SUGCT: variants seen among roughly 807,000 people sequenced by gnomAD.
SUGCT encodes the protein succinyl-CoA:glutarate-CoA transferase, also known as succinyl-CoA:glutarate CoA-transferase.
Under a neutral mutation model 55.0 loss-of-function variants are expected in SUGCT, and 41 were observed. That is an observed-to-expected ratio of 0.74 (90% confidence interval 0.58 to 0.97). The LOEUF (loss-of-function observed/expected upper bound fraction) is 0.97, where lower values mean the gene tolerates loss of function less well. SUGCT is among the 50% of genes least tolerant of loss of function. The pLI is 0.00. For missense variants in SUGCT, 568 were observed against 547.8 expected (o/e 1.04, Z -0.37); for synonymous variants, 187 against 200.4 (o/e 0.93, Z 0.56).
rs576640461 is a variant in SUGCT, at chr7:40,169,053, C to T, written c.101-11894C>T. ...TCCTGATATTTGATAGGTGTTCCCT[C>T]GGAAGTTAGGAATTCCCTTTCTCTC... On this transcript the variant is annotated intron_variant, in intron 1 of 13. Transcript: ENST00000335693. Among the ~76,000 whole-genome samples the T allele has an allele frequency of 5.6e-4, 86 of 152,220 alleles. No individual in the cohort carries two copies. The South Asian group carries it at 0.01, about 18-fold the overall frequency.
In SUGCT at chr7:40,188,597, T is replaced by A; in HGVS notation, c.312+17T>A. On this transcript the variant is annotated intron_variant, in intron 4 of 13. Coordinates refer to ENST00000335693, the MANE Select transcript of SUGCT (RefSeq NM_001193313.2). ...AATAAAAAAGTAAGAATATCATCCC[T>A]TTTTTGCTTTTTGTGTGTAATTCTC... 6.4e-7 allele frequency: 1 copy of A among 1,556,772 alleles called. No homozygotes were observed. The highest frequency in any genetic ancestry group is 8.7e-7 in the Non-Finnish European group (1 of 1,145,654).
chr7:40,714,818 T>A (rs1785928383), intron 12 of SUGCT, among the ~76,000 whole-genome samples: 1 of 152,206 alleles, frequency 6.6e-6, no homozygotes, highest in Non-Finnish European at 1.5e-5. Flanking sequence ...TACATGGAAA[T>A]AATATGTGGA....
At chr7:40,788,373 G>C (rs1418402369) in intron 13 of SUGCT, among the ~76,000 whole-genome samples, 2 of 152,128 alleles carry the variant, frequency 1.3e-5, no homozygotes, top group African/African-American at 4.8e-5. Context: ...AGCTTGAATG[G>C]GAGAAGAAAA....
At chr7:40,226,831 G>C (rs1386808377) in intron 6 of SUGCT, among the ~76,000 whole-genome samples, 1 of 151,724 alleles carries the variant, frequency 6.6e-6, no homozygotes, top group South Asian at 2.1e-4. Context: ...TTGGCCCAGC[G>C]TGGTGGCTCA....
At chr7:40,471,754 A>G (rs983005488) in intron 11 of SUGCT, among the ~76,000 whole-genome samples, 1 of 152,124 alleles carries the variant, frequency 6.6e-6, no homozygotes, top group African/African-American at 2.4e-5. Context: ...ATGGTAGAAC[A>G]ATTCTAATGT....
the SUGCT span, among the ~76,000 whole-genome samples, chr7:41,011,463 T>C: frequency 6.6e-6 from 1 of 152,210 alleles, no homozygotes; most frequent in Non-Finnish European, 1.5e-5. Context: ...GAGCCCCCAC[T>C]ATTCAAAGTG....
the SUGCT span, among the ~76,000 whole-genome samples, chr7:41,025,828 T>A: frequency 6.6e-6 from 1 of 152,158 alleles, no homozygotes; most frequent in Non-Finnish European, 1.5e-5. Context: ...TGTATTAGAT[T>A]TTTAACCTGA....
intron 13 of SUGCT, among the ~76,000 whole-genome samples, chr7:40,756,568 A>T (rs1055645707): frequency 1.3e-5 from 2 of 152,132 alleles, no homozygotes; most frequent in African/African-American, 4.8e-5. Flanking sequence ...TTCTGAAATC[A>T]CATGTCCTCA....
At chr7:40,951,245 G>A in the SUGCT span, among the ~76,000 whole-genome samples, 2 of 152,086 alleles carry the variant, frequency 1.3e-5, no homozygotes, top group East Asian at 1.9e-4. Flanking sequence ...GTTTATTTGC[G>A]TAGAAGTGTT....
intron 9 of SUGCT, among the ~76,000 whole-genome samples, chr7:40,380,110 A>G (rs1027520459): frequency 6.6e-6 from 1 of 152,202 alleles, no homozygotes; most frequent in African/African-American, 2.4e-5. Flanking sequence ...CATAGGTCAA[A>G]TAATGACAAT....
the SUGCT span, among the ~76,000 whole-genome samples, chr7:40,888,486 A>G: frequency 6.6e-6 from 1 of 151,730 alleles, no homozygotes; most frequent in Non-Finnish European, 1.5e-5. Context: ...GGTAGAGATA[A>G]ACCCAAGATC....
At chr7:40,773,523 A>G (rs190873577) in intron 13 of SUGCT, among the ~76,000 whole-genome samples, 95 of 152,326 alleles carry the variant, frequency 6.2e-4, no homozygotes, top group Non-Finnish European at 1.2e-3. Flanking sequence ...TCTAGGCTCA[A>G]AAACAACATC....
chr7:40,535,187 G>C (rs1187258976), intron 12 of SUGCT, among the ~76,000 whole-genome samples: 3 of 151,590 alleles, frequency 2.0e-5, no homozygotes, highest in Admixed American at 6.6e-5. Context: ...AGATTCCATG[G>C]GTACATGTGC....
chr7:40,392,047 G>C (rs1359066880), intron 9 of SUGCT, among the ~76,000 whole-genome samples: 1 of 152,096 alleles, frequency 6.6e-6, no homozygotes, highest in African/African-American at 2.4e-5. Flanking sequence ...GAAAACCAAA[G>C]ACTGCATGTT....
the SUGCT span, among the ~76,000 whole-genome samples, chr7:41,031,419 T>G: frequency 6.6e-6 from 1 of 152,008 alleles, no homozygotes; most frequent in Admixed American, 6.5e-5. Flanking sequence ...CTTTGCCAAG[T>G]AAGAACAAAA....
At chr7:40,592,653 T>A (rs1290801361) in intron 12 of SUGCT, among the ~76,000 whole-genome samples, 4 of 152,088 alleles carry the variant, frequency 2.6e-5, no homozygotes, top group Non-Finnish European at 5.9e-5. Flanking sequence ...GTTTTTAGAT[T>A]CCGTATTTGG....
intron 2 of SUGCT, 76 bp downstream of exon 2, chr7:40,181,074 A>G: frequency 9.4e-7 from 1 of 1,060,630 alleles, no homozygotes; most frequent in Admixed American, 1.9e-5. Context: ...TTTGAATTAT[A>G]AGAAGAGACT....
At chr7:40,863,435 A>T (rs1042582084), downstream of SUGCT, among the ~76,000 whole-genome samples, 9 of 152,194 alleles carry the variant, frequency 5.9e-5, no homozygotes, top group African/African-American at 2.2e-4. Flanking sequence ...AAGGCTTTAT[A>T]GATATGAAAC....
chr7:40,214,856 G>A (rs1317961977), intron 6 of SUGCT, among the ~76,000 whole-genome samples: 3 of 151,894 alleles, frequency 2.0e-5, no homozygotes, highest in African/African-American at 7.3e-5. Context: ...GGAGGTTGCA[G>A]TGAGCCGAGA....
Sources: gnomAD v4.1 joint callset for allele counts (sites outside exome capture counted in the v4.1 genomes callset) on GRCh38, gnomAD v4.1.1 for gene constraint, MANE v1.5 for transcripts, NCBI Gene and HGNC (gene_info 2026-07-23, HGNC 2026-07-21) for gene names.